Variants in ZNF420 observed in about 807,000 individuals in gnomAD.
ZNF420 encodes zinc finger protein 420, also known as ATM and p53-associated KZNF protein.
Under a neutral mutation model 44.7 loss-of-function variants are expected in ZNF420, and 31 were observed. The ratio of observed to expected loss-of-function variants is 0.69; its 90% CI spans 0.52 to 0.94. The LOEUF is 0.94. ZNF420 is among the 40% of genes least tolerant of loss of function. The pLI is 0.00. For synonymous variants in ZNF420, 245 were observed against 267.4 expected (o/e 0.92, Z 0.82); for missense variants, 681 against 827.9 (o/e 0.82, Z 2.18).
upstream of ZNF420, among the ~76,000 whole-genome samples, chr19:37,075,560 G>A (rs1406284523): frequency 6.6e-6 from 1 of 152,044 alleles, no homozygotes; most frequent in Non-Finnish European, 1.5e-5. Context: ...GGCTAAAATG[G>A]TGAAACCCTG....
chr19:37,126,545 GA>G lies in ZNF420; in HGVS notation c.137-581del, dbSNP rs1472572606. On this transcript the variant is annotated intron_variant, in intron 4 of 4. Transcript: ENST00000337995. ...ATAAAGAAAATCATTATCTGAATCTGAATCAGTTGATAGGAAGGATTAAAAT... is the reference window on the plus strand; with the variant it reads ...ATAAAGAAAATCATTATCTGAATCTGATCAGTTGATAGGAAGGATTAAAAT... Among the ~76,000 whole-genome samples the G allele has an allele frequency of 3.9e-5, 6 of 152,234 alleles. No homozygotes were observed. In the South Asian group the frequency reaches 1.0e-3, roughly 26 times the overall value.
chr19:37,054,161 G>A (rs1170584630), intron 1 of ZNF420, among the ~76,000 whole-genome samples: 1 of 152,232 alleles, frequency 6.6e-6, no homozygotes, highest in African/African-American at 2.4e-5. Flanking sequence ...TCTGAGCCAG[G>A]CATGGGATAT....
At chr19:37,122,219 T>A (rs557581188) in intron 4 of ZNF420, among the ~76,000 whole-genome samples, 16 of 152,214 alleles carry the variant, frequency 1.1e-4, no homozygotes, top group African/African-American at 3.1e-4. Flanking sequence ...AACCCAAATG[T>A]CCAACAATGA....
intron 1 of ZNF420, among the ~76,000 whole-genome samples, chr19:37,017,815 A>G (rs1599595208): frequency 1.3e-5 from 2 of 152,182 alleles, no homozygotes; most frequent in South Asian, 4.1e-4. Context: ...AGTACTAGCT[A>G]CAGAAATGTG....
chr19:37,129,263 T>A lies in ZNF420; in HGVS notation c.*205T>A. 1 of 607,020 alleles carries A rather than the reference T, an allele frequency of 1.6e-6. No homozygotes were observed. The highest frequency in any genetic ancestry group is 2.8e-6 in the Non-Finnish European group (1 of 360,446). The allele number at this position is 607,020 out of a possible 1,614,324, so 37.6% of individuals were successfully genotyped here. On this transcript the variant is annotated 3_prime_UTR_variant, in exon 5 of 5. Coordinates refer to ENST00000337995, the MANE Select transcript of ZNF420 (RefSeq NM_144689.5). ...ACATTAGCAAATTGGAGAATAGTTT[T>A]AATATAGTAAATGTAGGAAGCCCTT...
intron 4 of ZNF420, among the ~76,000 whole-genome samples, chr19:37,103,967 A>AT (rs58366687): frequency 0.29 from 42,390 of 144,104 alleles, 7,936 homozygotes; most frequent in African/African-American, 0.55. Context: ...CTCTTCTCTC[A>AT]TTTTTTTTTT....
intron 1 of ZNF420, among the ~76,000 whole-genome samples, chr19:37,009,373 T>C (rs889598748): frequency 6.6e-6 from 1 of 152,176 alleles, no homozygotes; most frequent in African/African-American, 2.4e-5. Flanking sequence ...GGTTCCCAGC[T>C]GTGCTTTGCT....
At chr19:37,119,498 A>G (rs1970901183) in intron 4 of ZNF420, among the ~76,000 whole-genome samples, 1 of 152,232 alleles carries the variant, frequency 6.6e-6, no homozygotes, top group South Asian at 2.1e-4. Flanking sequence ...ATATAGCACT[A>G]AGTGTCCACA....
intron 3 of ZNF420, among the ~76,000 whole-genome samples, chr19:37,089,369 T>C (rs919481995): frequency 1.3e-5 from 2 of 152,194 alleles, no homozygotes; most frequent in African/African-American, 2.4e-5. Context: ...GGAACACTGA[T>C]CTAACAAAAG....
In ZNF420 at chr19:37,127,355, C is replaced by T; in HGVS notation, c.364C>T (p.Gln122Ter). ...ATATGACAAAATGTCCATTTTCAACCAGCATACTTACTTATCTCAACATTC... is the reference window on the plus strand; with the variant it reads ...ATATGACAAAATGTCCATTTTCAACTAGCATACTTACTTATCTCAACATTC... ...IIYDKMSIFN[Q>*]HTYLSQHSRC... Residue 122 changes from glutamine to a stop codon, truncating the protein, a stop_gained, in exon 5 of 5, where the codon CAG (glutamine) becomes TAG (stop). Transcript: ENST00000337995. LOFTEE classifies it low-confidence loss of function (END_TRUNC). 1.2e-6 allele frequency: 2 copies of T among 1,611,514 alleles called. No individual in the cohort carries two copies.
intron 1 of ZNF420, among the ~76,000 whole-genome samples, chr19:37,058,047 C>T (rs564373713): frequency 6.6e-6 from 1 of 152,282 alleles, no homozygotes; most frequent in South Asian, 2.1e-4. Context: ...GGGATCTGGC[C>T]TCTGCTCTGT....
At chr19:37,120,451 T>A (rs1428619691) in intron 4 of ZNF420, among the ~76,000 whole-genome samples, 1 of 152,054 alleles carries the variant, frequency 6.6e-6, no homozygotes, top group Non-Finnish European at 1.5e-5. Context: ...TCTCAATAAA[T>A]TAGGTATTGA....
At chr19:37,032,879 G>A (rs1967289204) in intron 1 of ZNF420, among the ~76,000 whole-genome samples, 1 of 152,186 alleles carries the variant, frequency 6.6e-6, no homozygotes, top group Non-Finnish European at 1.5e-5. Flanking sequence ...AATTGAAAGA[G>A]GGAGCAGAAA....
intron 1 of ZNF420, among the ~76,000 whole-genome samples, chr19:37,012,213 C>T (rs1050840015): frequency 6.6e-6 from 1 of 152,180 alleles, no homozygotes; most frequent in African/African-American, 2.4e-5. Context: ...CCTCTCTCAA[C>T]GAAGCCCGCT....
chr19:37,130,218 A>T lies in ZNF420; in HGVS notation c.*1160A>T. 6.5e-7 allele frequency: 1 copy of T among 1,548,076 alleles called. No individual in the cohort carries two copies. Among genetic ancestry groups the T allele is most frequent in the East Asian group, 2.5e-5 (1 of 40,754 alleles). Reference sequence around the variant, plus strand: ...TATGGATCATGGAGCAGAAATACAGAAGGAGTCTGCAACCCTGATGACTTT... The same window carrying T: ...TATGGATCATGGAGCAGAAATACAGTAGGAGTCTGCAACCCTGATGACTTT... On this transcript the variant is annotated 3_prime_UTR_variant, in exon 5 of 5. Transcript: ENST00000337995.
intron 4 of ZNF420, among the ~76,000 whole-genome samples, chr19:37,114,288 A>G (rs955974017): frequency 2.6e-5 from 4 of 152,110 alleles, no homozygotes; most frequent in African/African-American, 9.7e-5. Context: ...CTGGCTGTCC[A>G]TACTGATTTT....
intron 4 of ZNF420, among the ~76,000 whole-genome samples, chr19:37,123,136 C>G (rs772575223): frequency 2.6e-5 from 4 of 152,172 alleles, no homozygotes; most frequent in Admixed American, 1.3e-4. Context: ...CAAAATATAT[C>G]CACTATCTAA....
chr19:37,033,537 T>A (rs1967300473), intron 1 of ZNF420, among the ~76,000 whole-genome samples: 2 of 152,330 alleles, frequency 1.3e-5, no homozygotes, highest in South Asian at 4.1e-4. Context: ...CATCAGAATG[T>A]CCCTTTTTAA....
intron 4 of ZNF420, among the ~76,000 whole-genome samples, chr19:37,105,133 T>A (rs1970002397): frequency 6.6e-6 from 1 of 152,218 alleles, no homozygotes; most frequent in South Asian, 2.1e-4. Flanking sequence ...TGGTTTTAGG[T>A]CTAACATTTA....
Sources: gnomAD v4.1 joint callset for allele counts (sites outside exome capture counted in the v4.1 genomes callset) on GRCh38, gnomAD v4.1.1 for gene constraint, MANE v1.5 for transcripts, NCBI Gene and HGNC (gene_info 2026-07-23, HGNC 2026-07-21) for gene names.